ESF1: variants seen among roughly 807,000 people sequenced by gnomAD.
ESF1 encodes the protein ESF1 homolog.
In ESF1, 58 loss-of-function variants were observed where a neutral mutation model predicts 92.0. The ratio of observed to expected loss-of-function variants is 0.63; its 90% CI spans 0.51 to 0.78. The LOEUF (loss-of-function observed/expected upper bound fraction) is 0.78, where lower values mean the gene tolerates loss of function less well. ESF1 is among the 30% of genes least tolerant of loss of function. The pLI, the probability that ESF1 is intolerant of heterozygous loss-of-function variation, is 0.00. For synonymous variants in ESF1, 321 were observed against 313.7 expected, an observed-to-expected ratio of 1.02 and a Z score of -0.24; for missense variants, 922 against 989.1, an observed-to-expected ratio of 0.93 and a Z score of 0.91.
chr20:13,784,258 A>G (rs1466776716), intron 1 of ESF1, among the ~76,000 whole-genome samples: 1 of 149,570 alleles, frequency 6.7e-6, no homozygotes, highest in Admixed American at 6.7e-5. Context: ...TTTTGCAAAG[A>G]GCCAAAAGTC....
chr20:13,733,866 A>G lies in ESF1; in HGVS notation c.1829-24T>C, dbSNP rs750126100. On this transcript the variant is annotated intron_variant, in intron 9 of 13. Transcript: ENST00000617257. ...ACCTGAGGAAAAATCCAAATAGTTT[A>G]GCTTAAAATGTCTTATTGTCTGGCA... 2.8e-5 allele frequency: 44 copies of G among 1,584,036 alleles called. 3 individuals carry two copies. The South Asian group carries it at 4.9e-4, about 17-fold the overall frequency.
At chr20:13,720,488 A>C (rs1258263160) in intron 11 of ESF1, among the ~76,000 whole-genome samples, 1 of 152,224 alleles carries the variant, frequency 6.6e-6, no homozygotes, top group Admixed American at 6.5e-5. Context: ...CACTCGTCTA[A>C]CTTCCAGTTT....
chr20:13,768,664 A>AG (rs944856499), intron 7 of ESF1, among the ~76,000 whole-genome samples: 3 of 151,912 alleles, frequency 2.0e-5, no homozygotes, highest in African/African-American at 4.8e-5. Flanking sequence ...TGGGAGGCAG[A>AG]GGGGGGCGGA....
intron 9 of ESF1, among the ~76,000 whole-genome samples, chr20:13,737,426 A>G (rs958284156): frequency 6.6e-6 from 1 of 152,212 alleles, no homozygotes; most frequent in African/African-American, 2.4e-5. Context: ...AAATATCTGA[A>G]AAGTCTTCAA....
At position 13,714,677 on chromosome 20, in the gene ESF1, G is replaced by A. The variant is rs2049810342; in HGVS notation, c.*197C>T. The A allele has an allele frequency of 1.9e-6, 1 of 514,386 alleles. No individual in the cohort carries two copies. The highest frequency in any genetic ancestry group is 3.5e-5 in the Admixed American group (1 of 28,230). The allele number at this position is 514,386 out of a possible 1,614,324, so 31.9% of individuals were successfully genotyped here. A position where few individuals can be genotyped will look rare whatever the true frequency, so the allele number is the denominator to read the frequency against. On this transcript the variant is annotated 3_prime_UTR_variant, in exon 14 of 14. Transcript: ENST00000617257. ...CAGGTAATTTAATTATGACTGATCT[G>A]TAGGAATATACAATAAAAATTTGTC...
At chr20:13,777,542 C>G (rs1193690344) in intron 2 of ESF1, among the ~76,000 whole-genome samples, 3 of 152,178 alleles carry the variant, frequency 2.0e-5, no homozygotes, top group Non-Finnish European at 2.9e-5. Flanking sequence ...CAGTTGACAA[C>G]AGAAGCTGTG....
At chr20:13,775,396 T>G in intron 3 of ESF1, 126 bp from the exon 4 acceptor site, 1 of 569,970 alleles carries the variant, frequency 1.8e-6, no homozygotes, top group Admixed American at 3.4e-5. Flanking sequence ...AGGAGTTATC[T>G]AAGCGTAATT....
chr20:13,772,333 G>C (rs191518462), intron 5 of ESF1, among the ~76,000 whole-genome samples, 182 bp downstream of exon 5: 1 of 151,946 alleles, frequency 6.6e-6, no homozygotes, highest in Admixed American at 6.6e-5. Context: ...AAATATACAC[G>C]AACAAAAATC....
Position 13,784,634 on chromosome 20 carries a change from C to G in ESF1, c.-44+246G>C, listed in dbSNP as rs557444684. On this transcript the variant is annotated intron_variant, in intron 1 of 13. Coordinates refer to ENST00000617257, the MANE Select transcript of ESF1 (RefSeq NM_001276380.2). ...GGAGAACACAGGGCTGGCCCCTGAA[C>G]TAGGGTCTCCTTTCCACCTCCTGTA... is the stretch of plus-strand genomic sequence containing the variant. Among the ~76,000 whole-genome samples, 211 of 151,706 alleles carry G rather than the reference C, an allele frequency of 1.4e-3. 3 individuals carry two copies. The highest frequency in any genetic ancestry group is 3.4e-3 in the Middle Eastern group (1 of 294).
chr20:13,748,554 ATATATATATATGTGTGTGTG>A (rs1207171544), intron 9 of ESF1, among the ~76,000 whole-genome samples: 1 of 44,710 alleles, frequency 2.2e-5, no homozygotes, highest in Non-Finnish European at 4.2e-5. Flanking sequence ...GTGTGTATAT[ATATATATATATGTGTGTGTG>A]TATATATATA....
chr20:13,738,268 G>A (rs2049988395), intron 9 of ESF1, among the ~76,000 whole-genome samples: 1 of 151,960 alleles, frequency 6.6e-6, no homozygotes, highest in Admixed American at 6.6e-5. Flanking sequence ...ACTTGGTTCA[G>A]GATCTTACAA....
At chr20:13,773,305 C>A (rs891419134) in intron 4 of ESF1, among the ~76,000 whole-genome samples, 2 of 152,058 alleles carry the variant, frequency 1.3e-5, no homozygotes, top group Non-Finnish European at 2.9e-5. Flanking sequence ...ACAAGATGAT[C>A]CAAGTTTTTC....
Position 13,782,673 on chromosome 20 carries a change from C to G in ESF1, c.468G>C (p.Lys156Asn). The change falls in exon 2 of 14, where the codon AAG becomes AAC. Residue 156 changes from lysine to asparagine, a missense_variant. Transcript: ENST00000617257. ...FKIDSNISPK[K>N]DSKEFTQKNK... ...TTTTTTGTGTAAATTCTTTGCTATCCTTCTTCGGACTTATGTTTGAATCTA... is the reference window on the plus strand; with the variant it reads ...TTTTTTGTGTAAATTCTTTGCTATCGTTCTTCGGACTTATGTTTGAATCTA... The G allele has an allele frequency of 6.3e-7, 1 of 1,598,894 alleles. No homozygotes were observed. Among genetic ancestry groups the G allele is most frequent in the Non-Finnish European group, 8.5e-7 (1 of 1,175,424 alleles).
At chr20:13,746,974 A>G (rs879363861) in intron 9 of ESF1, among the ~76,000 whole-genome samples, 1 of 152,202 alleles carries the variant, frequency 6.6e-6, no homozygotes, top group African/African-American at 2.4e-5. Flanking sequence ...ATTTTCCTAC[A>G]TGGTAGACAC....
intron 9 of ESF1, among the ~76,000 whole-genome samples, chr20:13,737,368 A>G (rs770350452): frequency 3.3e-5 from 5 of 152,212 alleles, no homozygotes; most frequent in Non-Finnish European, 7.3e-5. Flanking sequence ...ATATCCTTGC[A>G]AAACACACAA....
intron 9 of ESF1, among the ~76,000 whole-genome samples, chr20:13,748,582 ATATATATATATTT>A (rs1978429136): frequency 1.5e-5 from 1 of 68,384 alleles, no homozygotes; most frequent in South Asian, 8.0e-4. Context: ...GTGTATATAT[ATATATATATATTT>A]TTTTTTTTTT....
intron 9 of ESF1, among the ~76,000 whole-genome samples, chr20:13,737,173 TTA>T (rs1388353623): frequency 6.6e-6 from 1 of 152,190 alleles, no homozygotes; most frequent in Non-Finnish European, 1.5e-5. Flanking sequence ...TTAAAAAATT[TTA>T]AGTGCATATC....
chr20:13,777,575 A>C (rs1051159815), intron 2 of ESF1, among the ~76,000 whole-genome samples: 2 of 152,206 alleles, frequency 1.3e-5, no homozygotes, highest in Admixed American at 6.5e-5. Context: ...TCACCTATAA[A>C]GACAGAGAAA....
At chr20:13,776,409 G>A in intron 2 of ESF1, 139 bp from the exon 3 acceptor site, 1 of 808,674 alleles carries the variant, frequency 1.2e-6, no homozygotes. Context: ...TTCAGTAAAT[G>A]CTTAGTCAAT....
Sources: gnomAD v4.1 joint callset for allele counts (sites outside exome capture counted in the v4.1 genomes callset) on GRCh38, gnomAD v4.1.1 for gene constraint, MANE v1.5 for transcripts, NCBI Gene and HGNC (gene_info 2026-07-23, HGNC 2026-07-21) for gene names.